The following RORA variants were observed in gnomAD, a reference collection of about 807,000 sequenced individuals.
RORA encodes the protein nuclear receptor ROR-alpha.
Under a neutral mutation model 69.5 loss-of-function variants are expected in RORA, and 7 were observed. That is an observed-to-expected ratio of 0.10 (90% CI 0.06 to 0.19). The LOEUF (loss-of-function observed/expected upper bound fraction) is 0.19, where lower values mean the gene tolerates loss of function less well. RORA is among the 10% of genes least tolerant of loss of function. RORA has a pLI of 1.00. For synonymous variants in RORA, 261 were observed against 240.8 expected (o/e 1.08, Z -0.78); for missense variants, 457 against 663.0 (o/e 0.69, Z 3.41).
chr15:60,556,859 T>G (rs746142055), intron 2 of RORA: 2 of 1,610,226 alleles, frequency 1.2e-6, no homozygotes, highest in African/African-American at 2.7e-5. Flanking sequence ...TCACCATTCA[T>G]GTATCCAGTT....
At chr15:61,152,710 C>G (rs11853280) in intron 1 of RORA, among the ~76,000 whole-genome samples, 6,873 of 152,174 alleles carry the variant, frequency 0.045, 520 homozygotes, top group African/African-American at 0.16. Context: ...CTTTTTAGGA[C>G]ATCTCTCTAA....
intron 2 of RORA, among the ~76,000 whole-genome samples, chr15:60,630,956 G>C (rs1320971358): frequency 7.3e-6 from 1 of 136,684 alleles, no homozygotes; most frequent in Non-Finnish European, 1.5e-5. Context: ...GCACAATCTC[G>C]GCTCACTGCA....
chr15:61,127,965 T>C (rs1022946324), intron 1 of RORA, among the ~76,000 whole-genome samples: 1 of 152,190 alleles, frequency 6.6e-6, no homozygotes, highest in African/African-American at 2.4e-5. Context: ...CATCAGCTTC[T>C]TACAGCTATA....
chr15:61,073,720 A>G (rs965214787), intron 1 of RORA, among the ~76,000 whole-genome samples: 4 of 152,160 alleles, frequency 2.6e-5, no homozygotes, highest in Non-Finnish European at 4.4e-5. Context: ...TCCTACATCA[A>G]TGTAATTATG....
intron 1 of RORA, among the ~76,000 whole-genome samples, chr15:61,190,009 T>C (rs763432810): frequency 5.9e-5 from 9 of 152,112 alleles, no homozygotes; most frequent in Non-Finnish European, 1.2e-4. Context: ...AGGTGAAATT[T>C]TGCAATTTTT....
intron 2 of RORA, among the ~76,000 whole-genome samples, chr15:60,609,107 G>A (rs535240170): frequency 6.6e-6 from 1 of 152,100 alleles, no homozygotes; most frequent in Non-Finnish European, 1.5e-5. Flanking sequence ...ACATGGTCAG[G>A]AGGTCTAGGC....
At chr15:60,635,213 C>G (rs1477904023) in intron 2 of RORA, among the ~76,000 whole-genome samples, 1 of 152,216 alleles carries the variant, frequency 6.6e-6, no homozygotes, top group Non-Finnish European at 1.5e-5. Flanking sequence ...TATATCTTCC[C>G]ATATATTTCT....
At chr15:60,830,494 A>G (rs766305022) in intron 1 of RORA, among the ~76,000 whole-genome samples, 38 of 152,254 alleles carry the variant, frequency 2.5e-4, no homozygotes, top group Non-Finnish European at 4.6e-4. Context: ...ATATTATATT[A>G]TAGCTCTTCG....
chr15:60,990,279 A>G lies in RORA; in HGVS notation c.166+238774T>C, dbSNP rs149246573. Among the ~76,000 whole-genome samples the G allele has an allele frequency of 4.3e-3, 658 of 152,292 alleles. 8 individuals are homozygous for G. Among genetic ancestry groups the G allele is most frequent in the African/African-American group, 0.015 (628 of 41,544 alleles). On this transcript the variant is annotated intron_variant, in intron 1 of 10. Coordinates refer to ENST00000335670, the MANE Select transcript of RORA (RefSeq NM_134261.3). ...AGTATAAAAGTGTTAGGATATTTTGAAATTAGGAAGGCTTTTGTGTGATTT... is the reference window on the plus strand; with the variant it reads ...AGTATAAAAGTGTTAGGATATTTTGGAATTAGGAAGGCTTTTGTGTGATTT...
At chr15:60,733,724 G>GA (rs2071458654) in intron 1 of RORA, among the ~76,000 whole-genome samples, 1 of 152,148 alleles carries the variant, frequency 6.6e-6, no homozygotes, top group African/African-American at 2.4e-5. Flanking sequence ...TCCATCAGAA[G>GA]GAGGTATGAT....
chr15:61,195,810 G>C (rs1596064278), intron 1 of RORA: 1 of 152,280 alleles, frequency 6.6e-6, no homozygotes, highest in Non-Finnish European at 1.5e-5. Flanking sequence ...GTATTACTCT[G>C]TGCCTTTATT....
At chr15:61,098,253 C>T (rs1023485747) in intron 1 of RORA, among the ~76,000 whole-genome samples, 1 of 147,748 alleles carries the variant, frequency 6.8e-6, no homozygotes, top group African/African-American at 2.5e-5. Flanking sequence ...TCCCTCCCCC[C>T]TTTTTTTCTC....
At chr15:60,515,983 A>ATATATTTATATATATT (rs1567051085) in intron 3 of RORA, among the ~76,000 whole-genome samples, 315 of 7,052 alleles carry the variant, frequency 0.045, 2 homozygotes, top group Non-Finnish European at 0.086. Context: ...TTATATATTT[A>ATATATTTATATATATT]TATATATTTA....
At chr15:60,768,682 A>G (rs541072104) in intron 1 of RORA, among the ~76,000 whole-genome samples, 2 of 152,242 alleles carry the variant, frequency 1.3e-5, no homozygotes, top group Non-Finnish European at 2.9e-5. Context: ...CAACTGAATC[A>G]TAAGTGGTAA....
At chr15:60,824,904 T>C (rs936218477) in intron 1 of RORA, among the ~76,000 whole-genome samples, 20 of 152,066 alleles carry the variant, frequency 1.3e-4, no homozygotes, top group African/African-American at 4.6e-4. Context: ...AATAACCTAA[T>C]GGTTGTGGAA....
intron 1 of RORA, among the ~76,000 whole-genome samples, chr15:60,883,159 AGAG>A (rs1328039751): frequency 0.14 from 13,042 of 90,624 alleles, 1,094 homozygotes; most frequent in Non-Finnish European, 0.22. Context: ...AAAGAAAGAG[AGAG>A]AGAGAGAGAG....
chr15:60,611,751 C>A (rs1343567371), intron 2 of RORA, among the ~76,000 whole-genome samples: 1 of 151,938 alleles, frequency 6.6e-6, no homozygotes, highest in African/African-American at 2.4e-5. Flanking sequence ...CTGGCAGAGC[C>A]ATCCTCACTC....
rs339967 is a variant in RORA at position 60,632,083 on chromosome 15, A to G, written c.196+46574T>C. 8.4e-3 allele frequency among the ~76,000 whole-genome samples: 1,269 copies of G among 151,256 alleles called. 17 individuals are homozygous for G. The highest frequency in any genetic ancestry group is 0.029 in the African/African-American group (1,198 of 41,042). ...TTATTAATAACTATTTATGTGTAGT[A>G]GCTACTTAAATTCATGTTTCACTAC... On this transcript the variant is annotated intron_variant, in intron 2 of 10. Transcript: ENST00000335670.
At chr15:61,007,216 A>G (rs1894936886) in intron 1 of RORA, among the ~76,000 whole-genome samples, 1 of 152,156 alleles carries the variant, frequency 6.6e-6, no homozygotes, top group Non-Finnish European at 1.5e-5. Flanking sequence ...TTATAAATCC[A>G]AGGTAGGTGG....
Sources: allele counts gnomAD v4.1 joint callset (sites outside exome capture counted in the v4.1 genomes callset), GRCh38; gene constraint gnomAD v4.1.1; transcripts MANE v1.5; gene names NCBI Gene and HGNC (gene_info 2026-07-23, HGNC 2026-07-21).